The following ADCY2 variants were observed in gnomAD, a reference collection of about 807,000 sequenced individuals.
The protein encoded by ADCY2 is adenylate cyclase type 2.
In ADCY2, 31 loss-of-function variants were observed where a neutral mutation model predicts 125.2. The observed-to-expected ratio is 0.25, with a 90% CI of 0.19 to 0.33. The LOEUF is 0.33. Ranked by LOEUF, ADCY2 falls within the 10% of genes least tolerant of loss-of-function variation. The probability of loss-of-function intolerance (pLI) is 1.00; values close to 1 mark genes in which losing one functional copy is unlikely to be tolerated. For synonymous variants in ADCY2, 512 were observed against 548.4 expected, an observed-to-expected ratio of 0.93 and a Z score of 0.93; for missense variants, 904 against 1,418.2, an observed-to-expected ratio of 0.64 and a Z score of 5.82.
chr5:7,571,229 A>G (rs980428584), intron 3 of ADCY2, among the ~76,000 whole-genome samples: 1 of 152,124 alleles, frequency 6.6e-6, no homozygotes, highest in African/African-American at 2.4e-5. Flanking sequence ...TCCATGATCT[A>G]TCATCTGCAA....
chr5:7,469,835 C>G (rs1742270774), intron 2 of ADCY2, among the ~76,000 whole-genome samples: 1 of 151,764 alleles, frequency 6.6e-6, no homozygotes. Flanking sequence ...TATATAAGAA[C>G]ACAGTGAAAC....
rs190505470 is a variant in ADCY2, at chr5:7,482,497, T to C, written c.409-38241T>C. ...CTGTGCTTGAAGATGTGGAGCAAAC[T>C]CTTATGTACTGTTGGTGGGAACTTT... On this transcript the variant is annotated intron_variant, in intron 2 of 24. Transcript: ENST00000338316. Among the ~76,000 whole-genome samples, 32 of 152,236 alleles carry C rather than the reference T, an allele frequency of 2.1e-4. No homozygotes were observed. In the East Asian group the frequency reaches 5.8e-3, roughly 28 times the overall value.
At chr5:7,724,410 T>TG in intron 12 of ADCY2, 135 bp from the exon 13 acceptor site, 2 of 290,202 alleles carry the variant, frequency 6.9e-6, no homozygotes, top group Non-Finnish European at 1.2e-5. Flanking sequence ...CATCACGTGT[T>TG]TTTTTTTTTT....
chr5:7,657,981 G>A lies in ADCY2; in HGVS notation c.720+31665G>A, dbSNP rs115256113. The A allele has an allele frequency of 6.9e-3, 1,059 of 152,376 alleles. 8 individuals carry two copies. Among genetic ancestry groups the A allele is most frequent in the African/African-American group, 0.024 (995 of 41,550 alleles). 9.4% of individuals were successfully genotyped at this position (152,376 alleles called of 1,614,324 possible). On this transcript the variant is annotated intron_variant, in intron 4 of 24. Transcript: ENST00000338316. ...GGACCATTCATTGGAAATGAGTGTC[G>A]CAGACCCAGACCCCCAGGTGCAGTG...
chr5:7,731,462 G>T (rs1033661080), intron 14 of ADCY2, among the ~76,000 whole-genome samples: 10 of 151,886 alleles, frequency 6.6e-5, no homozygotes, highest in Admixed American at 5.2e-4. Flanking sequence ...CACCATATTT[G>T]TCAGGCTGGT....
intron 20 of ADCY2, chr5:7,793,521 A>C (rs932737250): frequency 2.0e-5 from 3 of 152,310 alleles, no homozygotes; most frequent in Non-Finnish European, 4.4e-5. Context: ...CATGGTGTAA[A>C]GCCGAGTAGT....
chr5:7,809,008 T>A (rs763476886), intron 22 of ADCY2, among the ~76,000 whole-genome samples: 18 of 152,252 alleles, frequency 1.2e-4, no homozygotes, highest in Non-Finnish European at 2.1e-4. Context: ...TTCTGTTACC[T>A]TACGCATGAA....
intron 14 of ADCY2, among the ~76,000 whole-genome samples, chr5:7,730,537 T>C (rs1030229692): frequency 1.3e-5 from 2 of 152,208 alleles, no homozygotes; most frequent in East Asian, 3.9e-4. Flanking sequence ...TGGTGATGTA[T>C]ATGATTTGTT....
intron 2 of ADCY2, among the ~76,000 whole-genome samples, chr5:7,450,596 TGAAGGTGGC>T (rs1561032792): frequency 3.9e-5 from 6 of 152,208 alleles, no homozygotes; most frequent in Non-Finnish European, 8.8e-5. Context: ...AGATCATTGA[TGAAGGTGGC>T]CACACTAAAT....
chr5:7,560,758 A>C (rs1561095075), intron 3 of ADCY2, among the ~76,000 whole-genome samples: 1 of 151,678 alleles, frequency 6.6e-6, no homozygotes, highest in African/African-American at 2.4e-5. Context: ...GTGCCATGTC[A>C]GCTCACTGCA....
chr5:7,719,352 A>G (rs1461990361), intron 12 of ADCY2, among the ~76,000 whole-genome samples: 1 of 152,262 alleles, frequency 6.6e-6, no homozygotes, highest in Non-Finnish European at 1.5e-5. Context: ...TCAAAAAATA[A>G]AAGGGAAATT....
chr5:7,673,897 G>A (rs1740024397), intron 4 of ADCY2, among the ~76,000 whole-genome samples: 1 of 152,166 alleles, frequency 6.6e-6, no homozygotes, highest in Non-Finnish European at 1.5e-5. Context: ...ACTGGAATGT[G>A]TTCTGGGATT....
In ADCY2 at chr5:7,453,712, C is replaced by T. The variant is rs913969597; in HGVS notation, c.408+38942C>T. 2.6e-5 allele frequency among the ~76,000 whole-genome samples: 4 copies of T among 152,036 alleles called. 1 individual carries two copies. The highest frequency in any genetic ancestry group is 4.2e-4 in the South Asian group (2 of 4,818). ...GGGGAAGTATACGTTGGCATACTTCCGGGGTCTTGTGTCCCTTCTCCCCTG... is the reference window on the plus strand; with the variant it reads ...GGGGAAGTATACGTTGGCATACTTCTGGGGTCTTGTGTCCCTTCTCCCCTG... On this transcript the variant is annotated intron_variant, in intron 2 of 24. Coordinates refer to ENST00000338316, the MANE Select transcript of ADCY2 (RefSeq NM_020546.3).
At chr5:7,405,758 A>T (rs963969615) in intron 1 of ADCY2, among the ~76,000 whole-genome samples, 3 of 152,232 alleles carry the variant, frequency 2.0e-5, no homozygotes, top group Admixed American at 1.3e-4. Flanking sequence ...GCCAATTTGG[A>T]TTTTTAAAAA....
chr5:7,503,483 A>T (rs916402717), intron 2 of ADCY2, among the ~76,000 whole-genome samples: 4 of 152,216 alleles, frequency 2.6e-5, no homozygotes, highest in Non-Finnish European at 5.9e-5. Context: ...TCTTAAAGTC[A>T]TGTCAGTTTA....
chr5:7,558,226 T>C (rs965711977), intron 3 of ADCY2, among the ~76,000 whole-genome samples: 2 of 152,078 alleles, frequency 1.3e-5, no homozygotes, highest in African/African-American at 4.8e-5. Context: ...CTAATTTTTG[T>C]GCTTTTAGTA....
At chr5:7,475,557 T>G (rs1742493214) in intron 2 of ADCY2, among the ~76,000 whole-genome samples, 1 of 152,164 alleles carries the variant, frequency 6.6e-6, no homozygotes, top group Non-Finnish European at 1.5e-5. Flanking sequence ...AATTTTTGTA[T>G]TTTTAGTAGA....
intron 2 of ADCY2, among the ~76,000 whole-genome samples, chr5:7,463,416 A>G (rs1286360637): frequency 6.6e-6 from 1 of 152,128 alleles, no homozygotes; most frequent in Non-Finnish European, 1.5e-5. Context: ...GCGCTTGTGA[A>G]ATAATTATTA....
intron 3 of ADCY2, among the ~76,000 whole-genome samples, chr5:7,541,925 A>G (rs772460114): frequency 6.6e-6 from 1 of 152,226 alleles, no homozygotes; most frequent in Non-Finnish European, 1.5e-5. Flanking sequence ...TTTCCACGAA[A>G]TGGATGGATA....
Sources: gnomAD v4.1 joint callset for allele counts (sites outside exome capture counted in the v4.1 genomes callset) on GRCh38, gnomAD v4.1.1 for gene constraint, MANE v1.5 for transcripts, NCBI Gene and HGNC (gene_info 2026-07-23, HGNC 2026-07-21) for gene names.